FAT3: variants seen among roughly 807,000 people sequenced by gnomAD.
FAT3 encodes protocadherin Fat 3.
In FAT3, 95 loss-of-function variants were observed where a neutral mutation model predicts 310.2. The ratio of observed to expected loss-of-function variants is 0.31; its 90% confidence interval spans 0.26 to 0.36. The LOEUF (loss-of-function observed/expected upper bound fraction) is 0.36, where lower values mean the gene tolerates loss of function less well. FAT3 is among the 10% of genes least tolerant of loss of function. The pLI, the probability that FAT3 is intolerant of heterozygous loss-of-function variation, is 1.00. For synonymous variants in FAT3, 2,314 were observed against 2,192.9 expected (o/e 1.06, Z -1.54); for missense variants, 5,408 against 5,715.6 (o/e 0.95, Z 1.74).
At chr11:92,337,354 G>A (rs1591129171) in intron 1 of FAT3, among the ~76,000 whole-genome samples, 1 of 152,170 alleles carries the variant, frequency 6.6e-6, no homozygotes, top group Admixed American at 6.5e-5. Flanking sequence ...TAAAAGTAAT[G>A]GAAGGATGGT....
chr11:92,484,145 C>T (rs955580050), intron 2 of FAT3, among the ~76,000 whole-genome samples: 35 of 152,308 alleles, frequency 2.3e-4, no homozygotes, highest in African/African-American at 7.9e-4. Context: ...ATGTCTTCTT[C>T]TTGGCATAGG....
chr11:92,683,071 C>CAAAAAAAAAA (rs1314048364), intron 3 of FAT3, among the ~76,000 whole-genome samples: 1 of 34,198 alleles, frequency 2.9e-5, no homozygotes, highest in African/African-American at 4.3e-4. Flanking sequence ...CAGCAAGACT[C>CAAAAAAAAAA]TAAAAAAAAA....
chr11:92,615,182 G>C (rs1354505876), intron 3 of FAT3, among the ~76,000 whole-genome samples: 1 of 152,032 alleles, frequency 6.6e-6, no homozygotes, highest in African/African-American at 2.4e-5. Flanking sequence ...GGGCTATTTT[G>C]TTCCTTGCAT....
At chr11:92,586,392 T>A (rs772318832) in intron 3 of FAT3, among the ~76,000 whole-genome samples, 10 of 151,936 alleles carry the variant, frequency 6.6e-5, no homozygotes, top group Non-Finnish European at 1.5e-4. Flanking sequence ...GTTTTCCTGA[T>A]TGAAGAAAAC....
chr11:92,484,688 T>C (rs538270936), intron 2 of FAT3, among the ~76,000 whole-genome samples: 27 of 152,336 alleles, frequency 1.8e-4, no homozygotes, highest in African/African-American at 6.5e-4. Flanking sequence ...TTATTGTTTG[T>C]AAGTTAGATG....
intron 19 of FAT3, 70 bp downstream of exon 19, chr11:92,844,802 CA>C (rs1476020091): frequency 7.2e-7 from 1 of 1,392,258 alleles, no homozygotes; most frequent in Non-Finnish European, 9.6e-7. Context: ...ACCATTCCAG[CA>C]TGCCTGCATT....
At chr11:92,776,693 C>T (rs970413244) in intron 7 of FAT3, among the ~76,000 whole-genome samples, 10 of 152,216 alleles carry the variant, frequency 6.6e-5, no homozygotes, top group Middle Eastern at 3.4e-3. Context: ...CTTTGAGGCA[C>T]CTTTTGGTAG....
intron 1 of FAT3, among the ~76,000 whole-genome samples, chr11:92,237,482 T>C (rs865995840): frequency 4.7e-4 from 71 of 152,176 alleles, no homozygotes; most frequent in African/African-American, 1.7e-3. Context: ...TTAATCATTA[T>C]TAATATCCCT....
At chr11:92,300,110 A>G (rs967630027) in intron 1 of FAT3, among the ~76,000 whole-genome samples, 3 of 152,120 alleles carry the variant, frequency 2.0e-5, no homozygotes, top group Non-Finnish European at 4.4e-5. Context: ...GGAATCATGA[A>G]ACCAATTAAC....
Position 92,836,687 on chromosome 11 carries a change from A to C in FAT3, c.10208A>C (p.Lys3403Thr). ...TTGGGACTTGTGAAAGTTAAGAAGAAATTGGACCGGGAACGGGTAAGCTAG... is the reference window on the plus strand; with the variant it reads ...TTGGGACTTGTGAAAGTTAAGAAGACATTGGACCGGGAACGGGTAAGCTAG... ...PVLGLVKVKK[K>T]LDRERVSGYS... The change falls in exon 16 of 28, where the codon AAA becomes ACA. Residue 3403 changes from lysine (K) to threonine (T), a missense_variant. Lys to Thr is a moderately conservative substitution (Grantham distance 78, BLOSUM62 -1). Transcript: ENST00000525166. The C allele has an allele frequency of 6.2e-7, 1 of 1,613,374 alleles. No homozygotes were observed. The highest frequency in any genetic ancestry group is 2.2e-5 in the East Asian group (1 of 44,838).
chr11:92,566,375 T>G (rs868252167), intron 3 of FAT3, among the ~76,000 whole-genome samples: 15 of 152,018 alleles, frequency 9.9e-5, no homozygotes, highest in Middle Eastern at 3.4e-3. Context: ...CACTGCTCAA[T>G]GAAATAGAAG....
intron 13 of FAT3, among the ~76,000 whole-genome samples, chr11:92,828,473 C>A (rs944186524): frequency 1.1e-4 from 17 of 152,156 alleles, no homozygotes; most frequent in African/African-American, 3.6e-4. Context: ...GTCTCCCCCA[C>A]CCCTTTCTGG....
chr11:92,274,877 T>C (rs1265990271), intron 1 of FAT3, among the ~76,000 whole-genome samples: 1 of 152,150 alleles, frequency 6.6e-6, no homozygotes, highest in Non-Finnish European at 1.5e-5. Context: ...GATGTTTACA[T>C]AAAGAGCTTT....
At chr11:92,704,268 C>T (rs1232236091) in intron 4 of FAT3, among the ~76,000 whole-genome samples, 2 of 152,174 alleles carry the variant, frequency 1.3e-5, no homozygotes, top group Admixed American at 1.3e-4. Flanking sequence ...CCTGCCCCAT[C>T]CACCCAGCTC....
rs758194471 is a variant in FAT3 at position 92,761,988 on chromosome 11, C to G, written c.3802C>G (p.Arg1268Gly). ...CCAGATCAAGCTGCCAGAACGTGAC[C>G]GAAAGAAGAGAGGAGAACCGATTTA... ...VYQIKLPERD[R>G]KKRGEPIYRA... The change falls in exon 5 of 28, where the codon CGA becomes GGA. Residue 1268 changes from arginine (R) to glycine (G), a missense_variant. Around this residue, in one of 5 missense-constraint regions of FAT3, gnomAD observed 4,588 missense variants for 4,809.8 expected, o/e 0.95. Coordinates refer to ENST00000525166, the MANE Select transcript of FAT3 (RefSeq NM_001367949.2). The G allele has an allele frequency of 1.2e-6, 2 of 1,613,674 alleles. No homozygotes were observed. Among genetic ancestry groups the G allele is most frequent in the African/African-American group, 1.3e-5 (1 of 74,850 alleles).
chr11:92,439,813 G>A (rs1951026045), intron 2 of FAT3, among the ~76,000 whole-genome samples: 1 of 152,128 alleles, frequency 6.6e-6, no homozygotes, highest in South Asian at 2.1e-4. Flanking sequence ...CTATTCAGGA[G>A]GCTGAGGCGG....
intron 1 of FAT3, among the ~76,000 whole-genome samples, chr11:92,291,267 T>C (rs1946686538): frequency 6.6e-6 from 1 of 152,070 alleles, no homozygotes; most frequent in Non-Finnish European, 1.5e-5. Flanking sequence ...CTCTATCCTG[T>C]TGGAGGGGTT....
chr11:92,846,338 A>G (rs974902009), intron 19 of FAT3, among the ~76,000 whole-genome samples: 1 of 152,334 alleles, frequency 6.6e-6, no homozygotes, highest in East Asian at 1.9e-4. Flanking sequence ...AGATACAGTT[A>G]CTGCCCTTAG....
Position 92,798,777 on chromosome 11 carries a change from C to T in FAT3, c.5764C>T (p.Leu1922=). 1 of 1,613,816 alleles carries T rather than the reference C, an allele frequency of 6.2e-7. No individual in the cohort carries two copies. The highest frequency in any genetic ancestry group is 8.5e-7 in the Non-Finnish European group (1 of 1,179,838). ...GGTACCCCCTGAACTGACATACAGC[C>T]TAATGGAAGGCAGTTTGGATCATTT... ...SEVPPELTYS[L]MEGSLDHFLI... The change falls in exon 10 of 28, where the codon CTA becomes TTA. Residue 1922 remains leucine, a synonymous_variant. Transcript: ENST00000525166.
Sources: gnomAD v4.1 joint callset for allele counts (sites outside exome capture counted in the v4.1 genomes callset) on GRCh38, gnomAD v4.1.1 for gene constraint, gnomAD v4.1.1 regional missense constraint, MANE v1.5 for transcripts, NCBI Gene and HGNC (gene_info 2026-07-23, HGNC 2026-07-21) for gene names.